SYT9: variants seen among roughly 807,000 people sequenced by gnomAD.
The protein encoded by SYT9 is synaptotagmin-9.
SYT9 carries 22 observed loss-of-function variants against 48.4 expected under a neutral mutation model. That is an observed-to-expected ratio of 0.45 (90% CI 0.32 to 0.65). The LOEUF is 0.65. Among genes scored for constraint, SYT9 ranks in the 30% least tolerant of loss-of-function variants. SYT9 has a pLI of 0.03. For missense variants in SYT9, 577 were observed against 622.0 expected, an observed-to-expected ratio of 0.93 and a Z score of 0.77; for synonymous variants, 265 against 245.0, an observed-to-expected ratio of 1.08 and a Z score of -0.76.
chr11:7,286,181 T>G (rs1286694132), intron 1 of SYT9, among the ~76,000 whole-genome samples: 1 of 152,212 alleles, frequency 6.6e-6, no homozygotes, highest in African/African-American at 2.4e-5. Flanking sequence ...CCATGAGGGC[T>G]CCACCCCTGA....
In SYT9 at chr11:7,252,391, G is replaced by T; in HGVS notation, c.145+60G>T. 7.4e-7 allele frequency: 1 copy of T among 1,359,872 alleles called. No homozygotes were observed. The highest frequency in any genetic ancestry group is 1.8e-5 in the South Asian group (1 of 55,460). 84.2% of individuals were successfully genotyped at this position (1,359,872 alleles called of 1,614,324 possible). On this transcript the variant is annotated intron_variant, in intron 1 of 6. Transcript: ENST00000318881. This position sits in a 1 kb window ranked among gnomAD's most constrained non-coding sequence, Gnocchi z 6.3. Reference sequence around the variant, plus strand: ...GGGCCCTGGGCTGGGACTTGGGGCCGCACCGGGGCCTGAGGCAGAACAGCG... The same window carrying T: ...GGGCCCTGGGCTGGGACTTGGGGCCTCACCGGGGCCTGAGGCAGAACAGCG...
intron 3 of SYT9, among the ~76,000 whole-genome samples, chr11:7,383,586 C>T (rs1850604804): frequency 6.6e-6 from 1 of 152,170 alleles, no homozygotes; most frequent in South Asian, 2.1e-4. Flanking sequence ...TTGAAAAGTA[C>T]CCAGACTGGT....
intron 1 of SYT9, among the ~76,000 whole-genome samples, chr11:7,254,325 G>T (rs542435686): frequency 9.9e-5 from 15 of 152,210 alleles, no homozygotes; most frequent in African/African-American, 3.6e-4. Context: ...CAGGGGTGGG[G>T]GTTTTCGAGT....
Position 7,313,678 on chromosome 11 carries a change from A to G in SYT9, c.781A>G (p.Lys261Glu), listed in dbSNP as rs1483481769. Residue 261 changes from lysine (K) to glutamate (E), a missense_variant, in exon 3 of 7, where the codon AAG becomes GAG. Physicochemically the swap from Lys to Glu is moderately conservative, Grantham distance 56. Transcript: ENST00000318881. Reference protein sequence around the residue: ...DFSGTSDPYVKIYLLPDRKTK... With the variant: ...DFSGTSDPYVEIYLLPDRKTK... ...TTCTGGGACTTCAGATCCTTATGTC[A>G]AGATCTATTTGCTTCCTGATCGGAA... is the stretch of plus-strand genomic sequence containing the variant. 1 of 1,614,084 alleles carries G rather than the reference A, an allele frequency of 6.2e-7. No homozygotes were observed. The highest frequency in any genetic ancestry group is 8.5e-7 in the Non-Finnish European group (1 of 1,180,036).
chr11:7,335,475 ACCCC>A (rs1184628090), intron 3 of SYT9, among the ~76,000 whole-genome samples: 1 of 150,906 alleles, frequency 6.6e-6, no homozygotes, highest in Non-Finnish European at 1.5e-5. Flanking sequence ...CCCACCCTCC[ACCCC>A]CAGAAGGTTC....
In SYT9 at chr11:7,316,984, T is replaced by C. The variant is rs114279007; in HGVS notation, c.1044+3043T>C. 9.9e-3 allele frequency among the ~76,000 whole-genome samples: 1,507 copies of C among 152,370 alleles called. 22 individuals carry two copies. Among genetic ancestry groups the C allele is most frequent in the African/African-American group, 0.033 (1,388 of 41,580 alleles). ...TTTCCTTGTTGATTCACATAGGCTT[T>C]TTAAGCAGTTGGGATGCAAATCCCT... On this transcript the variant is annotated intron_variant, in intron 3 of 6. Transcript: ENST00000318881.
intron 1 of SYT9, among the ~76,000 whole-genome samples, chr11:7,293,253 T>C (rs574561355): frequency 6.6e-6 from 1 of 152,324 alleles, no homozygotes; most frequent in East Asian, 1.9e-4. Context: ...TTTCAGATGT[T>C]CTTCCCTCTG....
At chr11:7,391,761 A>C (rs1311183937) in intron 3 of SYT9, among the ~76,000 whole-genome samples, 3 of 148,430 alleles carry the variant, frequency 2.0e-5, no homozygotes, top group South Asian at 2.2e-4. Context: ...AAAAAAAAAA[A>C]AAAACCTAGC....
chr11:7,250,360 C>G (rs1266923065), upstream of SYT9, among the ~76,000 whole-genome samples: 2 of 151,836 alleles, frequency 1.3e-5, no homozygotes, highest in Non-Finnish European at 2.9e-5. Flanking sequence ...TTGTTGCTTT[C>G]AGTTCCTCTC....
At chr11:7,262,880 G>A (rs186748510) in intron 1 of SYT9, among the ~76,000 whole-genome samples, 3 of 152,232 alleles carry the variant, frequency 2.0e-5, no homozygotes, top group East Asian at 3.9e-4. Flanking sequence ...CAAATAAATG[G>A]CATAGTAGTT....
At chr11:7,370,058 C>G (rs7931815) in intron 3 of SYT9, among the ~76,000 whole-genome samples, 41,554 of 151,888 alleles carry the variant, frequency 0.27, 6,552 homozygotes, top group East Asian at 0.63. Flanking sequence ...CACTCCCACT[C>G]TTCCCCCCAA....
chr11:7,254,284 T>C (rs573796511), intron 1 of SYT9, among the ~76,000 whole-genome samples: 1 of 152,220 alleles, frequency 6.6e-6, no homozygotes, highest in African/African-American at 2.4e-5. Context: ...GGCTCTTTGG[T>C]TTTTGTTGGA....
At chr11:7,445,717 G>A (rs1341119982) in intron 6 of SYT9, among the ~76,000 whole-genome samples, 1 of 152,134 alleles carries the variant, frequency 6.6e-6, no homozygotes, top group Non-Finnish European at 1.5e-5. Context: ...CGGCCCACAG[G>A]GATGCAACTG....
intron 3 of SYT9, among the ~76,000 whole-genome samples, chr11:7,331,776 TG>T (rs1849536968): frequency 6.6e-6 from 1 of 152,152 alleles, no homozygotes; most frequent in African/African-American, 2.4e-5. Context: ...CCTCTATATA[TG>T]CACCCGGAAT....
At chr11:7,285,335 CAAG>C (rs985918318) in intron 1 of SYT9, among the ~76,000 whole-genome samples, 1 of 152,118 alleles carries the variant, frequency 6.6e-6, no homozygotes, top group Admixed American at 6.6e-5. Context: ...ATGGAAGCAG[CAAG>C]AAGAAGTGCA....
intron 3 of SYT9, among the ~76,000 whole-genome samples, chr11:7,412,035 T>A (rs1252644295): frequency 6.6e-6 from 1 of 152,182 alleles, no homozygotes; most frequent in Non-Finnish European, 1.5e-5. Flanking sequence ...ATTCTTCAGT[T>A]CCGGAATTTA....
chr11:7,282,878 A>G (rs1224584215), intron 1 of SYT9, among the ~76,000 whole-genome samples: 3 of 151,800 alleles, frequency 2.0e-5, no homozygotes, highest in South Asian at 2.1e-4. Context: ...TTTTAATAAT[A>G]ATTATCCAAG....
At chr11:7,414,867 A>T (rs1404130316) in intron 3 of SYT9, among the ~76,000 whole-genome samples, 1 of 152,134 alleles carries the variant, frequency 6.6e-6, no homozygotes, top group Non-Finnish European at 1.5e-5. Flanking sequence ...AGCTTTGGAC[A>T]TTGAGGGCAA....
intron 3 of SYT9, among the ~76,000 whole-genome samples, chr11:7,380,619 A>T (rs1850543308): frequency 6.6e-6 from 1 of 152,168 alleles, no homozygotes; most frequent in South Asian, 2.1e-4. Context: ...TAAGTAGCAC[A>T]GCAAAAAATA....
Sources: gnomAD v4.1 joint callset for allele counts (sites outside exome capture counted in the v4.1 genomes callset) on GRCh38, gnomAD v4.1.1 for gene constraint, Gnocchi (gnomAD v3.1) non-coding constraint, MANE v1.5 for transcripts, NCBI Gene and HGNC (gene_info 2026-07-23, HGNC 2026-07-21) for gene names.